PSMD11: variants seen among roughly 807,000 people sequenced by gnomAD.
PSMD11 encodes 26S proteasome non-ATPase regulatory subunit 11.
In PSMD11, 5 loss-of-function variants were observed where a neutral mutation model predicts 62.3. The ratio of observed to expected loss-of-function variants is 0.08; its 90% CI spans 0.04 to 0.17. The LOEUF is 0.17. Ranked by LOEUF, PSMD11 falls within the 10% of genes least tolerant of loss-of-function variation. PSMD11 has a pLI of 1.00. For missense variants in PSMD11, 310 were observed against 512.9 expected (o/e 0.60, Z 3.82); for synonymous variants, 191 against 191.8 (o/e 1.00, Z 0.03).
rs114257006 is a variant in PSMD11, at chr17:32,451,973, G to C, written c.194-2522G>C. ...TTAAACTCCTGGGCTCAAGCAGTCT[G>C]CCTGTCTTGGCCTTCCAAAGTGCTA... is the stretch of plus-strand genomic sequence containing the variant. On this transcript the variant is annotated intron_variant, in intron 2 of 13. Transcript: ENST00000261712. Among the ~76,000 whole-genome samples the C allele has an allele frequency of 8.0e-3, 1,220 of 152,300 alleles. 19 individuals are homozygous for C. Among genetic ancestry groups the C allele is most frequent in the African/African-American group, 0.028 (1,165 of 41,558 alleles).
chr17:32,466,924 G>T (rs1317491549), intron 5 of PSMD11, among the ~76,000 whole-genome samples: 1 of 152,050 alleles, frequency 6.6e-6, no homozygotes, highest in East Asian at 1.9e-4. Context: ...TCCTTCGTAT[G>T]TCTTGTTTTT....
chr17:32,479,381 G>GA lies in PSMD11; in HGVS notation c.1038+7dup, dbSNP rs1368449299. ...GAGCCTTTTTCCAGAGTACAGGTGA[G>GA]AACCCTCTGGGGACTCCATTTCTGG... is the stretch of plus-strand genomic sequence containing the variant. On this transcript the variant is annotated splice_donor_region_variant and intron_variant, in intron 10 of 13. Transcript: ENST00000261712. 1 of 1,613,732 alleles carries GA rather than the reference G, an allele frequency of 6.2e-7. No homozygotes were observed. The highest frequency in any genetic ancestry group is 2.2e-5 in the East Asian group (1 of 44,870).
intron 8 of PSMD11, chr17:32,476,570 C>T (rs1220685118): frequency 6.6e-6 from 1 of 152,160 alleles, no homozygotes; most frequent in Non-Finnish European, 1.5e-5. Flanking sequence ...TTCTCTTAGT[C>T]CCTTGCGCCT....
intron 5 of PSMD11, among the ~76,000 whole-genome samples, chr17:32,467,493 G>T (rs539861963): frequency 1.1e-4 from 17 of 152,226 alleles, no homozygotes; most frequent in African/African-American, 4.1e-4. Flanking sequence ...TGATGTGCCC[G>T]CCTTGGCCTC....
At chr17:32,446,058 G>C (rs532959429) in intron 1 of PSMD11, 27 of 152,170 alleles carry the variant, frequency 1.8e-4, no homozygotes, top group African/African-American at 6.5e-4. Flanking sequence ...TAGAAATTAC[G>C]TCAAATATTA....
At chr17:32,459,815 T>C (rs577259103) in intron 3 of PSMD11, among the ~76,000 whole-genome samples, 1 of 152,148 alleles carries the variant, frequency 6.6e-6, no homozygotes, top group African/African-American at 2.4e-5. Flanking sequence ...ATAGTAGAGA[T>C]GGGCTTTTGC....
chr17:32,463,942 C>A, intron 3 of PSMD11, 107 bp from the exon 4 acceptor site: 1 of 1,010,358 alleles, frequency 9.9e-7, no homozygotes. Flanking sequence ...CTAAATAGAG[C>A]AACATGGATA....
At chr17:32,470,118 T>G (rs1387546934) in intron 6 of PSMD11, among the ~76,000 whole-genome samples, 2 of 151,992 alleles carry the variant, frequency 1.3e-5, no homozygotes, top group Non-Finnish European at 2.9e-5. Flanking sequence ...GCTCAAGTGA[T>G]CCTCCTATCT....
At chr17:32,475,832 A>T (rs890364119) in intron 8 of PSMD11, among the ~76,000 whole-genome samples, 5 of 151,594 alleles carry the variant, frequency 3.3e-5, no homozygotes, top group Non-Finnish European at 5.9e-5. Context: ...ACCTCAAGTG[A>T]TCCGCCCACC....
At position 32,459,115 on chromosome 17, in the gene PSMD11, C is replaced by CATATATATATAT. The variant is rs10595066; in HGVS notation, c.318+4509_318+4520dup. ...AGAGTGTCTCAAAAAAAAAAAAATA[C>CATATATATATAT]ATATATATATATATATATATATATG... On this transcript the variant is annotated intron_variant, in intron 3 of 13. Transcript: ENST00000261712. Among the ~76,000 whole-genome samples the CATATATATATAT allele has an allele frequency of 9.2e-3, 1,025 of 111,794 alleles. 20 individuals are homozygous for CATATATATATAT. Among genetic ancestry groups the CATATATATATAT allele is most frequent in the African/African-American group, 0.021 (583 of 28,346 alleles). The allele number at this position is 111,794 out of a possible 152,430, so 73.3% of individuals were successfully genotyped here.
intron 3 of PSMD11, among the ~76,000 whole-genome samples, chr17:32,463,131 G>T (rs139981384): frequency 2.0e-5 from 3 of 152,324 alleles, no homozygotes; most frequent in African/African-American, 4.8e-5. Flanking sequence ...AGTAACCAAA[G>T]TGATAGAAGA....
intron 8 of PSMD11, 147 bp downstream of exon 8, chr17:32,474,971 G>C (rs562602110): frequency 2.6e-6 from 2 of 767,308 alleles, no homozygotes; most frequent in Admixed American, 2.3e-5. Context: ...AGCCCATTCA[G>C]TGTGTTTCCC....
rs139814136 is a variant in PSMD11 at position 32,480,631 on chromosome 17, G to A, written c.1269G>A (p.Ter423=). Residue 423 remains the stop codon, a splice_region_variant and stop_retained_variant, in exon 13 of 14, where the codon TAG becomes TAA. Coordinates refer to ENST00000261712, the MANE Select transcript of PSMD11 (RefSeq NM_002815.4). ...SLYNKAKKLT[*] ...ACAACAAAGCCAAGAAACTGACATA[G>A]GTGAGTGCTGGCTTCAGGACCCCAG... 17 of 1,614,004 alleles carry A rather than the reference G, an allele frequency of 1.1e-5. No individual in the cohort carries two copies. The highest frequency in any genetic ancestry group is 4.0e-5 in the African/African-American group (3 of 74,898).
At chr17:32,470,638 G>A (rs1406391240) in intron 6 of PSMD11, among the ~76,000 whole-genome samples, 2 of 152,238 alleles carry the variant, frequency 1.3e-5, no homozygotes, top group Non-Finnish European at 2.9e-5. Flanking sequence ...CACTCAGAGT[G>A]CTGATATGGC....
chr17:32,456,023 A>G (rs2150831088), intron 3 of PSMD11, among the ~76,000 whole-genome samples: 1 of 151,678 alleles, frequency 6.6e-6, no homozygotes, highest in Non-Finnish European at 1.5e-5. Context: ...GGGCGCCTGT[A>G]GTCCCAGCTA....
chr17:32,454,091 C>T (rs1907580549), intron 2 of PSMD11, among the ~76,000 whole-genome samples: 1 of 152,272 alleles, frequency 6.6e-6, no homozygotes, highest in South Asian at 2.1e-4. Flanking sequence ...AAAATTACCC[C>T]TATGACCTGA....
intron 9 of PSMD11, chr17:32,477,856 CA>C (rs1908376061): frequency 4.0e-6 from 1 of 252,084 alleles, no homozygotes; most frequent in African/African-American, 2.2e-5. Context: ...TTTTTCACAA[CA>C]CACCTATTTA....
Position 32,455,548 on chromosome 17 carries a change from T to G in PSMD11, c.318+929T>G, listed in dbSNP as rs1366617308. Among the ~76,000 whole-genome samples, 3 of 152,212 alleles carry G rather than the reference T, an allele frequency of 2.0e-5. No individual in the cohort carries two copies. The East Asian group carries it at 5.8e-4, about 29-fold the overall frequency. The stretch of plus-strand genomic sequence containing the variant: ...GGTATGAAAGGCCATAGTAGCATAT[T>G]GAATAAATGGGAATTTCAGAAACCT... On this transcript the variant is annotated intron_variant, in intron 3 of 13. Transcript: ENST00000261712.
intron 3 of PSMD11, among the ~76,000 whole-genome samples, chr17:32,461,696 G>T (rs1173174943): frequency 6.6e-6 from 1 of 152,172 alleles, no homozygotes; most frequent in African/African-American, 2.4e-5. Flanking sequence ...TTAAGGCTGG[G>T]TTAAGATAGG....
Sources: allele counts gnomAD v4.1 joint callset (sites outside exome capture counted in the v4.1 genomes callset), GRCh38; gene constraint gnomAD v4.1.1; transcripts MANE v1.5; gene names NCBI Gene and HGNC (gene_info 2026-07-23, HGNC 2026-07-21).